The following RPN2 variants were observed in gnomAD, a reference collection of about 807,000 sequenced individuals.
RPN2 encodes the protein ribophorin II, also known as dolichyl-diphosphooligosaccharide--protein glycosyltransferase subunit 2.
In RPN2, 29 loss-of-function variants were observed where a neutral mutation model predicts 71.4. The observed-to-expected ratio is 0.41, with a 90% confidence interval of 0.30 to 0.55. The LOEUF (loss-of-function observed/expected upper bound fraction) is 0.55, where lower values mean the gene tolerates loss of function less well. RPN2 is among the 20% of genes least tolerant of loss of function. RPN2 has a pLI of 0.35. For synonymous variants in RPN2, 308 were observed against 305.0 expected (o/e 1.01, Z -0.10); for missense variants, 726 against 774.1 (o/e 0.94, Z 0.74).
At chr20:37,179,771 G>A (rs1297098344) in intron 1 of RPN2, among the ~76,000 whole-genome samples, 1 of 152,238 alleles carries the variant, frequency 6.6e-6, no homozygotes, top group Admixed American at 6.5e-5. Context: ...TTGTGCTGTA[G>A]TTTCCCATTC....
At chr20:37,238,531 A>C in intron 16 of RPN2, 1 of 1,005,626 alleles carries the variant, frequency 9.9e-7, no homozygotes, top group Non-Finnish European at 1.5e-6. Flanking sequence ...TTATCTCTCT[A>C]GTTTTCAGCC....
At chr20:37,207,140 A>G in intron 6 of RPN2, 133 bp from the exon 7 acceptor site, 1 of 728,670 alleles carries the variant, frequency 1.4e-6, no homozygotes, top group Non-Finnish European at 2.5e-6. Flanking sequence ...TCCATCTACG[A>G]ATTTGGATCA....
intron 2 of RPN2, among the ~76,000 whole-genome samples, chr20:37,185,810 C>G (rs1299335931): frequency 6.6e-6 from 1 of 152,320 alleles, no homozygotes; most frequent in African/African-American, 2.4e-5. Flanking sequence ...GATAATCCTG[C>G]AGGTCAGAAG....
intron 2 of RPN2, among the ~76,000 whole-genome samples, chr20:37,188,431 G>A (rs963687134): frequency 6.6e-6 from 1 of 151,752 alleles, no homozygotes; most frequent in Non-Finnish European, 1.5e-5. Context: ...GGGATTACAG[G>A]TGTGAGCCAC....
At chr20:37,179,931 C>T (rs1376686827) in intron 1 of RPN2, among the ~76,000 whole-genome samples, 2 of 152,212 alleles carry the variant, frequency 1.3e-5, no homozygotes, top group Admixed American at 6.5e-5. Flanking sequence ...CTCAGTTTCT[C>T]ATCTGTAAAA....
chr20:37,179,339 C>T lies in RPN2; in HGVS notation c.-18C>T, dbSNP rs1441491960. 5 of 1,370,104 alleles carry T rather than the reference C, an allele frequency of 3.6e-6. No individual in the cohort carries two copies. The highest frequency in any genetic ancestry group is 2.5e-4 in the Middle Eastern group (1 of 4,034). The allele number at this position is 1,370,104 out of a possible 1,614,324, so 84.9% of individuals were successfully genotyped here. ...AGTCAGCCCGCGGCTCGGACTCCGGCGGGACCTGCTCGGAGGAATGGCGCC... is the reference window on the plus strand; with the variant it reads ...AGTCAGCCCGCGGCTCGGACTCCGGTGGGACCTGCTCGGAGGAATGGCGCC... On this transcript the variant is annotated 5_prime_UTR_variant, in exon 1 of 17. Coordinates refer to ENST00000237530, the MANE Select transcript of RPN2 (RefSeq NM_002951.5).
intron 9 of RPN2, among the ~76,000 whole-genome samples, chr20:37,214,115 T>C (rs1375170100): frequency 6.6e-6 from 1 of 152,242 alleles, no homozygotes; most frequent in Non-Finnish European, 1.5e-5. Context: ...AATTTAGCAT[T>C]ACTGTCTTAC....
chr20:37,213,349 A>C (rs7272178), intron 8 of RPN2, among the ~76,000 whole-genome samples: 112,479 of 152,052 alleles, frequency 0.74, 42,062 homozygotes, highest in Middle Eastern at 0.85. Flanking sequence ...AGGGTCAGGC[A>C]TGGTGACTCA....
rs747372065 is a variant in RPN2, at chr20:37,203,915, C to G, written c.510C>G (p.His170Gln). Residue 170 changes from histidine to glutamine, a missense_variant, in exon 5 of 17, where the codon CAC (histidine) becomes CAG (glutamine). Coordinates refer to ENST00000237530, the MANE Select transcript of RPN2 (RefSeq NM_002951.5). ...ATVQALQTASHLSQQADLRSI... is the reference protein window; with the variant it reads ...ATVQALQTASQLSQQADLRSI... ...TCCAGGCTCTGCAGACAGCATCCCA[C>G]CTGTCCCAGCAGGCTGACCTGAGGA... 31 of 1,613,924 alleles carry G rather than the reference C, an allele frequency of 1.9e-5. No individual in the cohort carries two copies. Among genetic ancestry groups the G allele is most frequent in the Non-Finnish European group, 2.4e-5 (28 of 1,179,894 alleles).
intron 16 of RPN2, among the ~76,000 whole-genome samples, chr20:37,239,434 C>A (rs967891203): frequency 1.3e-5 from 2 of 152,096 alleles, no homozygotes; most frequent in Admixed American, 6.5e-5. Context: ...AATGGCTTTC[C>A]CTGCCAAAGC....
intron 5 of RPN2, among the ~76,000 whole-genome samples, chr20:37,204,495 G>T (rs1459625456): frequency 6.6e-6 from 1 of 152,218 alleles, no homozygotes; most frequent in Non-Finnish European, 1.5e-5. Flanking sequence ...GGCGTGTTCT[G>T]TGCCATGACT....
rs1166041551 is a variant in RPN2, at chr20:37,184,306, A to G, written c.140A>G (p.Asn47Ser). Residue 47 changes from asparagine to serine, a missense_variant, in exon 2 of 17, where the codon AAT becomes AGT. Asn to Ser is a conservative substitution (Grantham distance 46). Transcript: ENST00000237530. The part of the protein sequence containing the change: ...LKASLDRPFT[N>S]LESAFYSIVG... ...GCCTCGCTGGATCGCCCTTTCACAA[A>G]TTTGGAATCTGCCTTCTACTCCATC... 1.2e-6 allele frequency: 2 copies of G among 1,614,044 alleles called. No homozygotes were observed. The highest frequency in any genetic ancestry group is 1.7e-6 in the Non-Finnish European group (2 of 1,180,036).
At chr20:37,223,399 C>A (rs966433201) in intron 9 of RPN2, among the ~76,000 whole-genome samples, 3 of 152,172 alleles carry the variant, frequency 2.0e-5, no homozygotes, top group Non-Finnish European at 4.4e-5. Context: ...CTTCATCTCT[C>A]TCATCTTTTA....
chr20:37,181,170 A>C (rs556377501), intron 1 of RPN2, among the ~76,000 whole-genome samples: 5 of 151,874 alleles, frequency 3.3e-5, no homozygotes, highest in Non-Finnish European at 7.4e-5. Flanking sequence ...CGGAGGCTGC[A>C]GTGAGCCGAG....
chr20:37,193,608 A>G (rs1433513785), intron 2 of RPN2, among the ~76,000 whole-genome samples: 1 of 152,204 alleles, frequency 6.6e-6, no homozygotes, highest in Non-Finnish European at 1.5e-5. Flanking sequence ...AAGACAGACT[A>G]TAGCAGGGGG....
chr20:37,224,021 A>G (rs781706093), intron 10 of RPN2, 52 bp downstream of exon 10: 2 of 1,483,872 alleles, frequency 1.3e-6, no homozygotes, highest in South Asian at 1.1e-5. Context: ...AAGAGCTGAG[A>G]GGAGTATGCC....
intron 6 of RPN2, 108 bp from the exon 7 acceptor site, chr20:37,207,165 T>TC: frequency 1.2e-6 from 1 of 850,498 alleles, no homozygotes; most frequent in Non-Finnish European, 2.0e-6. Context: ...CCAAAAGACC[T>TC]CCCATGTGAA....
intron 14 of RPN2, 151 bp from the exon 15 acceptor site, chr20:37,233,869 G>A (rs1475736226): frequency 2.9e-5 from 24 of 841,758 alleles, no homozygotes; most frequent in Non-Finnish European, 4.3e-5. Context: ...CTTATAATAG[G>A]GTGGTTGTCA....
Position 37,199,140 on chromosome 20 carries a change from C to T in RPN2, c.394C>T (p.Leu132=), listed in dbSNP as rs144151309. ...CCAGATCTACCATGCAGTTGCAGCT[C>T]TAAGTGGCTTTGGCCTTCCCTTGGC... ...VTQIYHAVAA[L]SGFGLPLASQ... is the part of the protein sequence containing the mutation. The change falls in exon 4 of 17, where the codon CTA becomes TTA. Residue 132 remains leucine, a synonymous_variant. Coordinates refer to ENST00000237530, the MANE Select transcript of RPN2 (RefSeq NM_002951.5). 239 of 1,614,118 alleles carry T rather than the reference C, an allele frequency of 1.5e-4. 1 individual carries two copies. Among genetic ancestry groups the T allele is most frequent in the Middle Eastern group, 1.2e-3 (7 of 6,084 alleles).
Sources: gnomAD v4.1 joint callset for allele counts (sites outside exome capture counted in the v4.1 genomes callset) on GRCh38, gnomAD v4.1.1 for gene constraint, MANE v1.5 for transcripts, NCBI Gene and HGNC (gene_info 2026-07-23, HGNC 2026-07-21) for gene names.